Variants in ABHD12B observed in about 807,000 individuals in gnomAD.
The protein encoded by ABHD12B is protein ABHD12B.
In ABHD12B, 42 loss-of-function variants were observed where a neutral mutation model predicts 50.4. The observed-to-expected ratio is 0.83, with a 90% CI of 0.65 to 1.08. The LOEUF (loss-of-function observed/expected upper bound fraction) is 1.08. ABHD12B is among the 50% of genes least tolerant of loss of function. ABHD12B has a pLI of 0.00. For synonymous variants in ABHD12B, 167 were observed against 160.3 expected, an observed-to-expected ratio of 1.04 and a Z score of -0.32; for missense variants, 479 against 447.7, an observed-to-expected ratio of 1.07 and a Z score of -0.63.
In ABHD12B at chr14:50,879,373, T is replaced by C. The variant is rs528226431; in HGVS notation, c.335+526T>C. Among the ~76,000 whole-genome samples, 88 of 152,348 alleles carry C rather than the reference T, an allele frequency of 5.8e-4. No homozygotes were observed. The South Asian group carries it at 0.018, about 31-fold the overall frequency. On this transcript the variant is annotated intron_variant, in intron 3 of 12. Transcript: ENST00000337334. ...GTTTGTGTGATGATTTGGTTAATAT[T>C]TGTCTTCCTTACAAGACTATAGCTT...
rs117728460 is a variant in ABHD12B at position 50,900,891 on chromosome 14, T to C, written c.781-938T>C. Among the ~76,000 whole-genome samples, 59 of 152,288 alleles carry C rather than the reference T, an allele frequency of 3.9e-4. No homozygotes were observed. In the East Asian group the frequency reaches 0.011, roughly 29 times the overall value. ...TTAATCCAATTGCCTTTGGAGGGTG[T>C]TAAGCGAAAGAGTGCTACGATCTGA... On this transcript the variant is annotated intron_variant, in intron 9 of 12. Transcript: ENST00000337334.
chr14:50,895,629 G>A (rs1275682818), intron 9 of ABHD12B: 2 of 151,316 alleles, frequency 1.3e-5, no homozygotes, highest in Non-Finnish European at 2.9e-5. Context: ...AGATCTTCTC[G>A]GCTTAGCGGC....
chr14:50,904,129 T>A lies in ABHD12B; in HGVS notation c.998T>A (p.Ile333Asn). ...AACAAAGAGAGGGTCAAGATGGTTA[T>A]CTTTCCTCCTGGCTTCCAACACAAC... ...YRNKERVKMV[I>N]FPPGFQHNLL... Residue 333 changes from isoleucine (I) to asparagine (N), a missense_variant, in exon 12 of 13, where the codon ATC becomes AAC. Physicochemically the swap from Ile to Asn is moderately radical, Grantham distance 149. Coordinates refer to ENST00000337334, the MANE Select transcript of ABHD12B (RefSeq NM_001206673.2). The A allele has an allele frequency of 6.2e-7, 1 of 1,614,174 alleles. No homozygotes were observed. Among genetic ancestry groups the A allele is most frequent in the Non-Finnish European group, 8.5e-7 (1 of 1,180,006 alleles).
rs2050040904 is a variant in ABHD12B at position 50,886,585 on chromosome 14, C to T, written c.663-62C>T. ...CCAGAGCTTTTATCAGATGCTCATA[C>T]CAGAAGTTGCATTTTGTACTGTTAT... On this transcript the variant is annotated intron_variant, in intron 7 of 12. Coordinates refer to ENST00000337334, the MANE Select transcript of ABHD12B (RefSeq NM_001206673.2). The T allele has an allele frequency of 2.7e-6, 4 of 1,496,142 alleles. No homozygotes were observed. In the Admixed American group the frequency reaches 7.5e-5, roughly 28 times the overall value. 92.7% of individuals were successfully genotyped at this position (1,496,142 alleles called of 1,614,324 possible). A position where few individuals can be genotyped will look rare whatever the true frequency, so the allele number is the denominator to read the frequency against.
intron 9 of ABHD12B, among the ~76,000 whole-genome samples, chr14:50,894,809 T>A (rs1373810508): frequency 6.7e-6 from 1 of 148,234 alleles, no homozygotes; most frequent in Non-Finnish European, 1.5e-5. Context: ...CGTCGCTGAG[T>A]CTTTCTAATC....
chr14:50,890,509 C>T (rs567527251), intron 9 of ABHD12B, among the ~76,000 whole-genome samples: 1 of 152,292 alleles, frequency 6.6e-6, no homozygotes, highest in South Asian at 2.1e-4. Context: ...ACCACCTGTA[C>T]ATGCATCTCT....
Position 50,882,809 on chromosome 14 carries a change from A to G in ABHD12B, c.486+1183A>G, listed in dbSNP as rs572894302. Among the ~76,000 whole-genome samples, 84 of 152,124 alleles carry G rather than the reference A, an allele frequency of 5.5e-4. 2 individuals are homozygous for G. In the South Asian group the frequency reaches 0.017, roughly 31 times the overall value. On this transcript the variant is annotated intron_variant, in intron 5 of 12. Transcript: ENST00000337334. The stretch of plus-strand genomic sequence containing the variant: ...AACTTAATGAGACCCTGTCTCTACA[A>G]ATAATTTTAAAATTAGCTGGATGTG...
At chr14:50,875,272 G>A (rs2049845398) in intron 1 of ABHD12B, among the ~76,000 whole-genome samples, 1 of 152,202 alleles carries the variant, frequency 6.6e-6, no homozygotes, top group Non-Finnish European at 1.5e-5. Flanking sequence ...AGGAAGAGGG[G>A]ATTTGGTTGG....
intron 5 of ABHD12B, 151 bp downstream of exon 5, chr14:50,881,777 C>A: frequency 1.2e-6 from 1 of 845,972 alleles, no homozygotes; most frequent in Non-Finnish European, 1.9e-6. Context: ...AAAGTCCCAC[C>A]GGTGGACTTC....
intron 9 of ABHD12B, chr14:50,892,897 T>C (rs1228300918): frequency 6.6e-6 from 1 of 152,258 alleles, no homozygotes; most frequent in Non-Finnish European, 1.5e-5. Flanking sequence ...ACTATATGGA[T>C]TATTTAGAAG....
rs200915448 is a variant in ABHD12B, at chr14:50,874,608, AT to A, written c.104+2331del. Among the ~76,000 whole-genome samples the A allele has an allele frequency of 1.5e-3, 226 of 150,148 alleles. 1 individual carries two copies. The highest frequency in any genetic ancestry group is 3.5e-3 in the Middle Eastern group (1 of 288). On this transcript the variant is annotated intron_variant, in intron 1 of 12. Transcript: ENST00000337334. ...GAGCGAGACTCCGTCTCAAAAAAAA[AT>A]AATAATAAAAAAAGAAAAATGGAAA...
intron 9 of ABHD12B, among the ~76,000 whole-genome samples, chr14:50,900,007 G>C (rs936103384): frequency 6.6e-6 from 1 of 152,080 alleles, no homozygotes; most frequent in Admixed American, 6.5e-5. Context: ...GGTGGTCAAG[G>C]CCAGAAGATG....
chr14:50,889,563 G>C (rs757353995), intron 9 of ABHD12B, among the ~76,000 whole-genome samples: 1 of 152,150 alleles, frequency 6.6e-6, no homozygotes, highest in Non-Finnish European at 1.5e-5. Context: ...GCTTGAACCC[G>C]GGAGGCAGAG....
chr14:50,872,379 G>A lies in ABHD12B; in HGVS notation c.104+101G>A, dbSNP rs190038452. The A allele has an allele frequency of 1.4e-3, 1,178 of 831,448 alleles. 14 individuals are homozygous for A. In the African/African-American group the frequency reaches 0.019, roughly 13 times the overall value. 51.5% of individuals were successfully genotyped at this position (831,448 alleles called of 1,614,324 possible). On this transcript the variant is annotated intron_variant, in intron 1 of 12. Transcript: ENST00000337334. ...CGCGGCCGAGGCCGCAATCCCCTCT[G>A]CTGGCCCGGGCCCAAGGCCCAGCAT...
At chr14:50,899,951 A>G (rs1233245701) in intron 9 of ABHD12B, among the ~76,000 whole-genome samples, 1 of 151,894 alleles carries the variant, frequency 6.6e-6, no homozygotes, top group Non-Finnish European at 1.5e-5. Context: ...AAAAATTTAA[A>G]TCTGGGCCAG....
chr14:50,893,502 C>T (rs1381530320), intron 9 of ABHD12B: 1 of 152,524 alleles, frequency 6.6e-6, no homozygotes, highest in Non-Finnish European at 1.5e-5. Flanking sequence ...CCCTATCTCC[C>T]TTGGCTGACT....
At chr14:50,887,416 G>A (rs2050058013) in intron 8 of ABHD12B, among the ~76,000 whole-genome samples, 1 of 151,906 alleles carries the variant, frequency 6.6e-6, no homozygotes, top group South Asian at 2.1e-4. Flanking sequence ...TAGAATCTCT[G>A]TGAACAGGGT....
rs924387271 is a variant in ABHD12B, at chr14:50,886,943, T to G, written c.700+259T>G. ...TTGAAAGAGTCCTCCTTGGCCGATG[T>G]GGTGGCTCACGCCTGTAATCCCAGC... On this transcript the variant is annotated intron_variant, in intron 8 of 12. Transcript: ENST00000337334. 1.1e-4 allele frequency among the ~76,000 whole-genome samples: 17 copies of G among 151,938 alleles called. 1 individual carries two copies. Among genetic ancestry groups the G allele is most frequent in the African/African-American group, 4.1e-4 (17 of 41,338 alleles).
chr14:50,872,325 C>G (rs1293671051), intron 1 of ABHD12B, 47 bp downstream of exon 1: 3 of 1,222,784 alleles, frequency 2.5e-6, no homozygotes, highest in Middle Eastern at 3.2e-4. Context: ...ACGGCTCAGG[C>G]TGCGCGGGGA....
Sources: gnomAD v4.1 joint callset for allele counts (sites outside exome capture counted in the v4.1 genomes callset) on GRCh38, gnomAD v4.1.1 for gene constraint, MANE v1.5 for transcripts, NCBI Gene and HGNC (gene_info 2026-07-23, HGNC 2026-07-21) for gene names.